Variants in DSE observed in about 807,000 individuals in gnomAD.
DSE encodes the protein dermatan-sulfate epimerase.
DSE carries 36 observed loss-of-function variants against 84.4 expected under a neutral mutation model. That is an observed-to-expected ratio of 0.43 (90% confidence interval 0.33 to 0.56). The LOEUF is 0.56. Ranked by LOEUF, DSE falls within the 20% of genes least tolerant of loss-of-function variation. The pLI, the probability that DSE is intolerant of heterozygous loss-of-function variation, is 0.06. For synonymous variants in DSE, 410 were observed against 430.1 expected (o/e 0.95, Z 0.58); for missense variants, 862 against 1,169.6 (o/e 0.74, Z 3.84).
At chr6:116,369,979 A>T, upstream of DSE, 1 of 1,283,274 alleles carries the variant, frequency 7.8e-7, no homozygotes, top group South Asian at 1.2e-5. Flanking sequence ...CTGGTAGGTT[A>T]CTTGCACACA....
chr6:116,278,936 C>G, intron 2 of DSE: 1 of 1,614,130 alleles, frequency 6.2e-7, no homozygotes, highest in Non-Finnish European at 8.5e-7. Context: ...CTTAACATCT[C>G]TGCATCTTGG....
chr6:116,367,692 TA>T (rs112427193), upstream of DSE, among the ~76,000 whole-genome samples: 4 of 152,284 alleles, frequency 2.6e-5, no homozygotes, highest in African/African-American at 9.6e-5. Context: ...CCATTAAATG[TA>T]AGGGATAAAA....
chr6:116,298,470 A>T (rs1010774112), intron 2 of DSE, among the ~76,000 whole-genome samples: 2 of 152,180 alleles, frequency 1.3e-5, no homozygotes, highest in African/African-American at 4.8e-5. Flanking sequence ...AGTTTTGAAG[A>T]CAGAGGACGG....
At chr6:116,285,874 G>C (rs887581302) in intron 2 of DSE, among the ~76,000 whole-genome samples, 1 of 152,076 alleles carries the variant, frequency 6.6e-6, no homozygotes, top group African/African-American at 2.4e-5. Context: ...TGTTCCATTG[G>C]TCTATATCTC....
chr6:116,437,599 T>C lies in DSE; in HGVS notation c.*254T>C, dbSNP rs1784266608. The C allele has an allele frequency of 6.0e-6, 2 of 335,512 alleles. No individual in the cohort carries two copies. The highest frequency in any genetic ancestry group is 1.1e-5 in the Non-Finnish European group (2 of 187,086). The allele number at this position is 335,512 out of a possible 1,614,324, so 20.8% of individuals were successfully genotyped here. ...TTGGCATTGCTAATTGAGCAGTCCA[T>C]ATAGTACTACTTTTAGAAGAAACAA... On this transcript the variant is annotated 3_prime_UTR_variant, in exon 6 of 6. Transcript: ENST00000644252.
At chr6:116,390,611 A>G (rs1156838566) in intron 1 of DSE, among the ~76,000 whole-genome samples, 1 of 152,224 alleles carries the variant, frequency 6.6e-6, no homozygotes, top group Non-Finnish European at 1.5e-5. Context: ...ATAATTTAGA[A>G]TAGTGTATTC....
At chr6:116,346,045 T>A (rs542490640) in intron 2 of DSE, among the ~76,000 whole-genome samples, 1,838 of 152,250 alleles carry the variant, frequency 0.012, 41 homozygotes, top group African/African-American at 0.042. Context: ...CCTGGACACA[T>A]ACACCCTCCC....
intron 2 of DSE, among the ~76,000 whole-genome samples, chr6:116,286,275 T>C (rs1773899178): frequency 6.6e-6 from 1 of 152,212 alleles, no homozygotes; most frequent in Admixed American, 6.5e-5. Flanking sequence ...TTTATTCTCT[T>C]TGAAGCAATT....
intron 2 of DSE, among the ~76,000 whole-genome samples, chr6:116,349,672 C>G (rs1232795682): frequency 2.0e-5 from 3 of 152,082 alleles, no homozygotes; most frequent in East Asian, 3.8e-4. Context: ...TCTCATGGAT[C>G]GTGACAGAGA....
At chr6:116,261,158 G>A (rs1341071284) in intron 2 of DSE, among the ~76,000 whole-genome samples, 1 of 152,100 alleles carries the variant, frequency 6.6e-6, no homozygotes. Context: ...TCTTTGAGCA[G>A]TGTTTTGTCG....
intron 2 of DSE, among the ~76,000 whole-genome samples, chr6:116,414,066 C>T (rs1206594332): frequency 6.6e-6 from 1 of 152,096 alleles, no homozygotes; most frequent in Non-Finnish European, 1.5e-5. Flanking sequence ...CAGCAATGGC[C>T]GGTCAGGTTT....
At chr6:116,412,706 A>C (rs1782459736) in intron 2 of DSE, 1 of 151,928 alleles carries the variant, frequency 6.6e-6, no homozygotes, top group Admixed American at 6.6e-5. Context: ...GTTTATTTTT[A>C]TTTCAACTTT....
At chr6:116,318,373 G>A (rs964384315) in intron 2 of DSE, among the ~76,000 whole-genome samples, 1 of 152,184 alleles carries the variant, frequency 6.6e-6, no homozygotes, top group African/African-American at 2.4e-5. Context: ...AGGCATAGTG[G>A]TGGGTGCCTG....
chr6:116,314,161 G>C (rs543347663), intron 2 of DSE, among the ~76,000 whole-genome samples: 2 of 151,780 alleles, frequency 1.3e-5, no homozygotes, highest in African/African-American at 4.8e-5. Context: ...TGGTCCATGT[G>C]CTTTCACAAT....
At position 116,439,468 on chromosome 6, in the gene DSE, C is replaced by T. The variant is rs1489605859; in HGVS notation, c.*2123C>T. On this transcript the variant is annotated 3_prime_UTR_variant, in exon 6 of 6. Transcript: ENST00000644252. ...CTTCTAATGAACCTGGTATTTATTT[C>T]CTTAAAAAGAAACTTCCTCAGGCAG... 7.5e-5 allele frequency: 11 copies of T among 146,896 alleles called. No individual in the cohort carries two copies. The South Asian group carries it at 1.9e-3, about 26-fold the overall frequency. 9.1% of individuals were successfully genotyped at this position (146,896 alleles called of 1,614,324 possible).
At chr6:116,349,961 G>T (rs539637178) in intron 2 of DSE, among the ~76,000 whole-genome samples, 1 of 152,190 alleles carries the variant, frequency 6.6e-6, no homozygotes, top group East Asian at 1.9e-4. Flanking sequence ...ATAACCAAAA[G>T]CTCACCACTT....
upstream of DSE, among the ~76,000 whole-genome samples, chr6:116,368,873 G>A (rs1334725399): frequency 7.6e-6 from 1 of 132,048 alleles, no homozygotes; most frequent in African/African-American, 2.8e-5. Context: ...GGTGTATCCT[G>A]TAGATTCCAG....
intron 1 of DSE, among the ~76,000 whole-genome samples, chr6:116,387,118 C>T (rs1780625703): frequency 1.3e-5 from 2 of 152,078 alleles, no homozygotes; most frequent in Admixed American, 1.3e-4. Context: ...ATGACTCACC[C>T]ATAGGAGTTT....
At chr6:116,267,350 G>A (rs1289234675) in intron 2 of DSE, among the ~76,000 whole-genome samples, 1 of 152,126 alleles carries the variant, frequency 6.6e-6, no homozygotes, top group Non-Finnish European at 1.5e-5. Context: ...TGTTGAGGTA[G>A]AAGACAGTGA....
Sources: gnomAD v4.1 joint callset for allele counts (sites outside exome capture counted in the v4.1 genomes callset) on GRCh38, gnomAD v4.1.1 for gene constraint, MANE v1.5 for transcripts, NCBI Gene and HGNC (gene_info 2026-07-23, HGNC 2026-07-21) for gene names.